SLC24A2: variants seen among roughly 807,000 people sequenced by gnomAD.
SLC24A2 encodes solute carrier family 24 member 2, also known as sodium/potassium/calcium exchanger 2.
SLC24A2 carries 36 observed loss-of-function variants against 62.0 expected under a neutral mutation model. That is an observed-to-expected ratio of 0.58 (90% confidence interval 0.44 to 0.77). The LOEUF is 0.77. SLC24A2 is among the 30% of genes least tolerant of loss of function. The pLI is 0.00. For missense variants in SLC24A2, 846 were observed against 817.9 expected (o/e 1.03, Z -0.42); for synonymous variants, 358 against 294.0 (o/e 1.22, Z -2.23).
chr9:19,857,589 T>G, the SLC24A2 span, among the ~76,000 whole-genome samples: 2 of 152,236 alleles, frequency 1.3e-5, no homozygotes, highest in Non-Finnish European at 2.9e-5. Context: ...ATTTGTTAAA[T>G]GTATTCATAA....
chr9:19,957,121 T>C, the SLC24A2 span, among the ~76,000 whole-genome samples: 25 of 152,354 alleles, frequency 1.6e-4, no homozygotes, highest in East Asian at 4.2e-3. Context: ...GAGTAAATGA[T>C]ACGAAATATA....
At chr9:20,076,738 A>G in the SLC24A2 span, among the ~76,000 whole-genome samples, 2 of 151,948 alleles carry the variant, frequency 1.3e-5, no homozygotes, top group South Asian at 4.2e-4. Flanking sequence ...GCAGATGGAG[A>G]AAAGTGCCAA....
At chr9:20,024,256 C>A in the SLC24A2 span, among the ~76,000 whole-genome samples, 7 of 152,084 alleles carry the variant, frequency 4.6e-5, no homozygotes, top group African/African-American at 1.2e-4. Context: ...TGGGAATGTG[C>A]GGCAGAAAAT....
chr9:20,106,131 T>C, the SLC24A2 span, among the ~76,000 whole-genome samples: 1 of 152,108 alleles, frequency 6.6e-6, no homozygotes, highest in African/African-American at 2.4e-5. Context: ...ACTTACACCC[T>C]CCCAAGACTA....
chr9:19,531,464 C>G (rs955638667), intron 8 of SLC24A2, among the ~76,000 whole-genome samples: 5 of 152,154 alleles, frequency 3.3e-5, no homozygotes, highest in Non-Finnish European at 5.9e-5. Flanking sequence ...CAAATTGCAT[C>G]CATGTGCTGG....
At chr9:20,187,489 T>G in the SLC24A2 span, among the ~76,000 whole-genome samples, 1 of 152,272 alleles carries the variant, frequency 6.6e-6, no homozygotes, top group African/African-American at 2.4e-5. Context: ...CTCAACAGCC[T>G]CATCTCATGC....
At chr9:19,622,404 T>C in intron 2 of SLC24A2, 105 bp from the exon 3 acceptor site, 1 of 1,164,116 alleles carries the variant, frequency 8.6e-7, no homozygotes, top group Non-Finnish European at 1.3e-6. Flanking sequence ...GGGGAAGATT[T>C]CATTCTTTCT....
the SLC24A2 span, among the ~76,000 whole-genome samples, chr9:19,920,372 G>A: frequency 5.9e-5 from 9 of 152,132 alleles, no homozygotes; most frequent in Non-Finnish European, 8.8e-5. Flanking sequence ...TTCATCAGTC[G>A]TGATTTTTCA....
intron 8 of SLC24A2, among the ~76,000 whole-genome samples, chr9:19,541,661 T>C (rs940074263): frequency 9.4e-5 from 14 of 148,208 alleles, no homozygotes; most frequent in Non-Finnish European, 3.0e-5. Flanking sequence ...GTCTTTTTGT[T>C]TGTCTGTGCC....
At chr9:19,797,606 T>G in the SLC24A2 span, among the ~76,000 whole-genome samples, 1 of 152,188 alleles carries the variant, frequency 6.6e-6, no homozygotes. Context: ...CTGATCAATT[T>G]CCCCAGGGCA....
chr9:19,762,542 CCAA>C (rs1822369588), intron 2 of SLC24A2, among the ~76,000 whole-genome samples: 3 of 152,136 alleles, frequency 2.0e-5, no homozygotes. Flanking sequence ...GCCAGTTTTC[CCAA>C]CACCATTTAT....
At chr9:20,232,147 T>C in the SLC24A2 span, among the ~76,000 whole-genome samples, 1,496 of 152,348 alleles carry the variant, frequency 9.8e-3, 13 homozygotes, top group Middle Eastern at 0.031. Flanking sequence ...CAGTATTTTA[T>C]TGAGGATTTT....
At chr9:19,961,016 A>T in the SLC24A2 span, among the ~76,000 whole-genome samples, 11 of 120,374 alleles carry the variant, frequency 9.1e-5, no homozygotes, top group East Asian at 2.9e-3. Context: ...TCAGGATTAG[A>T]GGGGTGGGTG....
the SLC24A2 span, among the ~76,000 whole-genome samples, chr9:20,228,168 C>CT: frequency 2.8e-3 from 433 of 152,108 alleles, 3 homozygotes; most frequent in African/African-American, 0.01. Flanking sequence ...TTTTATAGAG[C>CT]TTTTTTGTCA....
the SLC24A2 span, among the ~76,000 whole-genome samples, chr9:20,086,823 C>G: frequency 1.3e-5 from 2 of 152,194 alleles, no homozygotes; most frequent in African/African-American, 4.8e-5. Context: ...CCCAGAGCAT[C>G]TGGAACAGCT....
chr9:20,045,577 G>T, the SLC24A2 span, among the ~76,000 whole-genome samples: 1 of 151,978 alleles, frequency 6.6e-6, no homozygotes, highest in Admixed American at 6.6e-5. Flanking sequence ...GATTACAGGC[G>T]CCCGCTACCA....
intron 7 of SLC24A2, among the ~76,000 whole-genome samples, chr9:19,570,603 G>A (rs930450389): frequency 5.9e-5 from 9 of 152,284 alleles, no homozygotes; most frequent in Admixed American, 2.6e-4. Flanking sequence ...AGGACACCTC[G>A]AATGGTGTTT....
At chr9:19,754,902 C>G (rs1380370324) in intron 2 of SLC24A2, among the ~76,000 whole-genome samples, 1 of 152,100 alleles carries the variant, frequency 6.6e-6, no homozygotes, top group Non-Finnish European at 1.5e-5. Context: ...TAGCCTGCTC[C>G]ACAGGCCTTT....
At chr9:19,785,591 C>T (rs915498530) in intron 2 of SLC24A2, among the ~76,000 whole-genome samples, 4 of 152,212 alleles carry the variant, frequency 2.6e-5, no homozygotes, top group Non-Finnish European at 4.4e-5. Context: ...GGCACATACA[C>T]ACTTTCCTAT....
Sources: gnomAD v4.1 joint callset for allele counts (sites outside exome capture counted in the v4.1 genomes callset) on GRCh38, gnomAD v4.1.1 for gene constraint, MANE v1.5 for transcripts, NCBI Gene and HGNC (gene_info 2026-07-23, HGNC 2026-07-21) for gene names.